The following MAPK10 variants were observed in gnomAD, a reference collection of about 807,000 sequenced individuals.
MAPK10 encodes the protein mitogen-activated protein kinase 10, also known as JNK3 alpha protein kinase.
A neutral mutation model predicts 59.3 loss-of-function variants in MAPK10; 25 were observed. That is an observed-to-expected ratio of 0.42 (90% CI 0.31 to 0.59). The LOEUF (loss-of-function observed/expected upper bound fraction) is 0.59. Among genes scored for constraint, MAPK10 ranks in the 20% least tolerant of loss-of-function variants. The pLI, the probability that MAPK10 is intolerant of heterozygous loss-of-function variation, is 0.15. For missense variants in MAPK10, 351 were observed against 568.9 expected (o/e 0.62, Z 3.90); for synonymous variants, 190 against 200.5 (o/e 0.95, Z 0.44).
chr4:86,363,312 G>A (rs1300170473), upstream of MAPK10, among the ~76,000 whole-genome samples: 1 of 152,124 alleles, frequency 6.6e-6, no homozygotes, highest in Non-Finnish European at 1.5e-5. Flanking sequence ...TAAGGGACTT[G>A]AGCATCCACT....
At chr4:86,470,445 G>GT (rs1752565939) in intron 1 of MAPK10, among the ~76,000 whole-genome samples, 1 of 152,058 alleles carries the variant, frequency 6.6e-6, no homozygotes, top group Non-Finnish European at 1.5e-5. Context: ...TTCTAGGAGA[G>GT]TTAAACCTCT....
intron 2 of MAPK10, among the ~76,000 whole-genome samples, chr4:86,353,903 T>G (rs1001381773): frequency 6.6e-6 from 1 of 152,174 alleles, no homozygotes; most frequent in African/African-American, 2.4e-5. Context: ...CATCAAGTAT[T>G]TGATTTAAAA....
intron 9 of MAPK10, among the ~76,000 whole-genome samples, chr4:86,074,976 T>A (rs1288300230): frequency 1.4e-5 from 2 of 145,784 alleles, no homozygotes; most frequent in Admixed American, 6.8e-5. Context: ...CTGGATAATA[T>A]CCTGCAGAGT....
chr4:86,039,968 C>T lies in MAPK10; in HGVS notation c.1111-8537G>A, dbSNP rs116157584. Among the ~76,000 whole-genome samples, 266 of 152,214 alleles carry T rather than the reference C, an allele frequency of 1.7e-3. 1 individual carries two copies. Among genetic ancestry groups the T allele is most frequent in the African/African-American group, 5.9e-3 (244 of 41,524 alleles). ...CTCCAACAGCAGGCCTACCCTTAGA[C>T]GACACCAAATGGCATGCACAGGTTC... On this transcript the variant is annotated intron_variant, in intron 11 of 13. Transcript: ENST00000641462.
chr4:86,075,644 T>A (rs1474905281), intron 9 of MAPK10, among the ~76,000 whole-genome samples: 1 of 152,106 alleles, frequency 6.6e-6, no homozygotes, highest in Non-Finnish European at 1.5e-5. Context: ...TCTGTTGGAA[T>A]ACCCTGCTGT....
At chr4:86,449,606 T>C (rs1404939654) in intron 1 of MAPK10, among the ~76,000 whole-genome samples, 1 of 152,174 alleles carries the variant, frequency 6.6e-6, no homozygotes, top group Admixed American at 6.5e-5. Flanking sequence ...TGACCCCCAA[T>C]AAGTCATGCA....
intron 1 of MAPK10, among the ~76,000 whole-genome samples, chr4:86,576,652 T>C (rs528899325): frequency 2.0e-5 from 3 of 152,086 alleles, no homozygotes; most frequent in Non-Finnish European, 2.9e-5. Flanking sequence ...CGGGTGCCTG[T>C]AGTCCCAGCT....
At chr4:86,479,592 C>T (rs1753416482) in intron 1 of MAPK10, among the ~76,000 whole-genome samples, 1 of 152,018 alleles carries the variant, frequency 6.6e-6, no homozygotes, top group Admixed American at 6.6e-5. Flanking sequence ...TACACTGTTT[C>T]TCCAAGCCAC....
intron 1 of MAPK10, among the ~76,000 whole-genome samples, chr4:86,569,790 G>A (rs1761325314): frequency 6.6e-6 from 1 of 151,954 alleles, no homozygotes; most frequent in African/African-American, 2.4e-5. Flanking sequence ...TAGACACTGG[G>A]AATTCCAAAA....
At chr4:86,049,927 T>C (rs2043204055) in intron 11 of MAPK10, among the ~76,000 whole-genome samples, 1 of 152,074 alleles carries the variant, frequency 6.6e-6, no homozygotes, top group Non-Finnish European at 1.5e-5. Flanking sequence ...AGCCTGCAGC[T>C]TGGGTACCCT....
At chr4:86,260,743 T>G (rs1451309680) in intron 2 of MAPK10, among the ~76,000 whole-genome samples, 1 of 152,120 alleles carries the variant, frequency 6.6e-6, no homozygotes, top group Admixed American at 6.6e-5. Context: ...TTTAATACCA[T>G]TGAACAAAGA....
At chr4:86,083,533 G>T (rs758553090) in intron 9 of MAPK10, among the ~76,000 whole-genome samples, 6 of 152,144 alleles carry the variant, frequency 3.9e-5, no homozygotes, top group Non-Finnish European at 7.4e-5. Context: ...CCAGCAGTCA[G>T]AACTTGAGAT....
intron 1 of MAPK10, among the ~76,000 whole-genome samples, chr4:86,527,622 A>AAC (rs1392995661): frequency 6.6e-6 from 1 of 152,200 alleles, no homozygotes. Flanking sequence ...AAGCACTTAA[A>AAC]ACAGAACTAC....
chr4:86,567,604 A>G (rs1044631788), intron 1 of MAPK10, among the ~76,000 whole-genome samples: 3 of 152,244 alleles, frequency 2.0e-5, no homozygotes, highest in Non-Finnish European at 4.4e-5. Flanking sequence ...CTGAAAGCCC[A>G]GACTTCACCA....
chr4:86,084,409 G>A (rs2051321156), intron 9 of MAPK10, among the ~76,000 whole-genome samples: 1 of 152,136 alleles, frequency 6.6e-6, no homozygotes, highest in African/African-American at 2.4e-5. Flanking sequence ...AAAGTTGCAG[G>A]ATTCAAAATC....
At chr4:86,270,863 ATATTTTTTATTGTTAG>A (rs2094412999) in intron 2 of MAPK10, among the ~76,000 whole-genome samples, 1 of 152,072 alleles carries the variant, frequency 6.6e-6, no homozygotes. Context: ...AGTTGATGAA[ATATTTTTTATTGTTAG>A]TATTTCTCTA....
chr4:86,356,492 G>C, intron 1 of MAPK10: 1 of 921,540 alleles, frequency 1.1e-6, no homozygotes, highest in Non-Finnish European at 1.3e-6. Context: ...TTTCTACCAA[G>C]ATTCACAATA....
At chr4:86,414,232 C>G (rs1280227773) in intron 1 of MAPK10, among the ~76,000 whole-genome samples, 1 of 152,110 alleles carries the variant, frequency 6.6e-6, no homozygotes, top group Non-Finnish European at 1.5e-5. Context: ...TCCTAATAAA[C>G]ATTCTACCCC....
At chr4:86,490,364 G>A (rs1051626205) in intron 1 of MAPK10, among the ~76,000 whole-genome samples, 1 of 152,174 alleles carries the variant, frequency 6.6e-6, no homozygotes, top group Non-Finnish European at 1.5e-5. Context: ...CTTCACAACT[G>A]TTGGTCCAGG....
Sources: gnomAD v4.1 joint callset for allele counts (sites outside exome capture counted in the v4.1 genomes callset) on GRCh38, gnomAD v4.1.1 for gene constraint, MANE v1.5 for transcripts, NCBI Gene and HGNC (gene_info 2026-07-23, HGNC 2026-07-21) for gene names.